Variants in FAM228A observed in about 807,000 individuals in gnomAD.
The protein encoded by FAM228A is protein FAM228A.
In FAM228A, 13 loss-of-function variants were observed where a neutral mutation model predicts 18.6. That is an observed-to-expected ratio of 0.70 (90% confidence interval 0.45 to 1.11). The LOEUF (loss-of-function observed/expected upper bound fraction) is 1.11, where lower values mean the gene tolerates loss of function less well. Among genes scored for constraint, FAM228A ranks in the 50% least tolerant of loss-of-function variants. The pLI is 0.00. For synonymous variants in FAM228A, 77 were observed against 86.6 expected (o/e 0.89, Z 0.61); for missense variants, 240 against 242.2 (o/e 0.99, Z 0.06).
At position 24,179,049 on chromosome 2, in the gene FAM228A, G is replaced by A. The variant is rs919160998; in HGVS notation, c.162+1179G>A. ...ACAAATTTTTTTTTCCCCCTTACTC[G>A]AATGATAGTAAATGAAACATTTCTT... On this transcript the variant is annotated intron_variant, in intron 3 of 5. Coordinates refer to ENST00000295150, the MANE Select transcript of FAM228A (RefSeq NM_001040710.3). The A allele has an allele frequency of 1.3e-4, 99 of 736,312 alleles. No individual in the cohort carries two copies. In the African/African-American group the frequency reaches 1.8e-3, roughly 13 times the overall value. 45.6% of individuals were successfully genotyped at this position (736,312 alleles called of 1,614,324 possible).
intron 5 of FAM228A, 126 bp from the exon 6 acceptor site, chr2:24,190,286 A>T (rs984039510): frequency 1.7e-6 from 2 of 1,164,080 alleles, no homozygotes; most frequent in Admixed American, 2.9e-5. Context: ...GCCACCAGTG[A>T]TGGCTGGTCA....
intron 5 of FAM228A, among the ~76,000 whole-genome samples, chr2:24,185,997 A>T (rs548054055): frequency 5.3e-5 from 8 of 152,198 alleles, no homozygotes; most frequent in African/African-American, 1.9e-4. Flanking sequence ...TTTCATCTAT[A>T]GAGTCTTTTG....
chr2:24,184,656 A>G (rs935694636), intron 5 of FAM228A, among the ~76,000 whole-genome samples: 3 of 152,138 alleles, frequency 2.0e-5, no homozygotes, highest in Non-Finnish European at 4.4e-5. Context: ...TTTCGTTTCC[A>G]CAATCCACAT....
chr2:24,188,406 C>T, intron 5 of FAM228A: 1 of 984,894 alleles, frequency 1.0e-6, no homozygotes, highest in African/African-American at 1.7e-5. Flanking sequence ...TCCCCCTCCC[C>T]ACCCCTCCTT....
At chr2:24,177,761 C>T in intron 2 of FAM228A, 41 bp from the exon 3 acceptor site, 1 of 1,175,410 alleles carries the variant, frequency 8.5e-7, no homozygotes, top group Non-Finnish European at 1.3e-6. Flanking sequence ...TAGTTTGTTT[C>T]TTCAGGATTC....
intron 5 of FAM228A, among the ~76,000 whole-genome samples, chr2:24,184,812 A>G (rs1366988631): frequency 6.6e-6 from 1 of 150,664 alleles, no homozygotes; most frequent in African/African-American, 2.4e-5. Context: ...TGTCTTTTCC[A>G]AAAGCTGTAT....
Position 24,190,609 on chromosome 2 carries a change from A to C in FAM228A, c.599A>C (p.Gln200Pro), listed in dbSNP as rs1208862075. 6 of 1,568,884 alleles carry C rather than the reference A, an allele frequency of 3.8e-6. No homozygotes were observed. Among genetic ancestry groups the C allele is most frequent in the Non-Finnish European group, 5.2e-6 (6 of 1,160,196 alleles). ...WHAGLCSTHE[Q>P]HILVPE ...GCAGGGCTTTGCAGCACCCACGAGC[A>C]GCACATACTGGTTCCAGAATGAGCC... is the stretch of plus-strand genomic sequence containing the variant. Residue 200 changes from glutamine (Q) to proline (P), a missense_variant, in exon 6 of 6, where the codon CAG (glutamine) becomes CCG (proline). Transcript: ENST00000295150.
At chr2:24,185,140 T>G (rs975528070) in intron 5 of FAM228A, among the ~76,000 whole-genome samples, 3 of 152,202 alleles carry the variant, frequency 2.0e-5, no homozygotes, top group African/African-American at 7.2e-5. Flanking sequence ...ATAGTTTTGC[T>G]TTTCAAATTT....
Position 24,191,591 on chromosome 2 carries a change from C to A in FAM228A, c.*960C>A. On this transcript the variant is annotated 3_prime_UTR_variant, in exon 6 of 6. Coordinates refer to ENST00000295150, the MANE Select transcript of FAM228A (RefSeq NM_001040710.3). ...TTGTGAAATGTTTGCCACAGTCAAG[C>A]TTGTTGACATACCCACCAGCTCACA... The A allele has an allele frequency of 1.4e-6, 1 of 718,916 alleles. No homozygotes were observed. Among genetic ancestry groups the A allele is most frequent in the Non-Finnish European group, 1.7e-6 (1 of 586,000 alleles). 44.5% of individuals were successfully genotyped at this position (718,916 alleles called of 1,614,324 possible).
rs527997573 is a variant in FAM228A at position 24,181,825 on chromosome 2, A to T, written c.163-1460A>T. On this transcript the variant is annotated intron_variant, in intron 3 of 5. Transcript: ENST00000295150. ...GTCTTGTAGTTATTGTCTATTTATTAAAAAAAAATCTACAAAAGCATTTCC... is the reference window on the plus strand; with the variant it reads ...GTCTTGTAGTTATTGTCTATTTATTTAAAAAAAATCTACAAAAGCATTTCC... 4.6e-5 allele frequency among the ~76,000 whole-genome samples: 7 copies of T among 151,870 alleles called. No homozygotes were observed. The East Asian group carries it at 9.7e-4, about 21-fold the overall frequency.
At chr2:24,187,028 G>A (rs891985241) in intron 5 of FAM228A, among the ~76,000 whole-genome samples, 1 of 152,058 alleles carries the variant, frequency 6.6e-6, no homozygotes, top group Admixed American at 6.6e-5. Context: ...ACATTCCTAT[G>A]TACCTATCAC....
chr2:24,179,016 TAGAG>T (rs1326574048), intron 3 of FAM228A: 1 of 357,002 alleles, frequency 2.8e-6, no homozygotes, highest in Non-Finnish European at 4.4e-6. Context: ...GAGAGCTTAG[TAGAG>T]AGAACAAATT....
At chr2:24,175,864 A>G (rs1371483542) in intron 2 of FAM228A, 6 of 1,166,898 alleles carry the variant, frequency 5.1e-6, no homozygotes, top group Middle Eastern at 3.6e-4. Context: ...TCAATTCTGC[A>G]TACTTCAGCG....
intron 3 of FAM228A, among the ~76,000 whole-genome samples, chr2:24,178,303 C>T (rs553136532): frequency 1.4e-4 from 22 of 152,098 alleles, no homozygotes; most frequent in Non-Finnish European, 2.5e-4. Flanking sequence ...ATGAGAGAGA[C>T]GGAGTTATAA....
intron 5 of FAM228A, 26 bp downstream of exon 5, chr2:24,183,671 A>C: frequency 6.4e-7 from 1 of 1,551,866 alleles, no homozygotes. Context: ...ACAAACAAAT[A>C]TTTGTTTAAC....
In FAM228A at chr2:24,190,834, C is replaced by T. The variant is rs1668067058; in HGVS notation, c.*203C>T. On this transcript the variant is annotated 3_prime_UTR_variant, in exon 6 of 6. Coordinates refer to ENST00000295150, the MANE Select transcript of FAM228A (RefSeq NM_001040710.3). The stretch of plus-strand genomic sequence containing the variant: ...AAATGTGGGACCTGGACCCCACTTT[C>T]CGGAGACATCCTGTCCTTCCGAGGT... 7.9e-7 allele frequency: 1 copy of T among 1,262,834 alleles called. No homozygotes were observed. Among genetic ancestry groups the T allele is most frequent in the African/African-American group, 1.5e-5 (1 of 65,598 alleles). 78.2% of individuals were successfully genotyped at this position (1,262,834 alleles called of 1,614,324 possible). A position where few individuals can be genotyped will look rare whatever the true frequency, so the allele number is the denominator to read the frequency against.
At chr2:24,179,266 T>C in intron 3 of FAM228A, 1 of 682,128 alleles carries the variant, frequency 1.5e-6, no homozygotes. Context: ...AACGAGAATG[T>C]TGAATATTAT....
At chr2:24,189,104 C>T (rs1179621881) in intron 5 of FAM228A, among the ~76,000 whole-genome samples, 2 of 152,162 alleles carry the variant, frequency 1.3e-5, no homozygotes, top group East Asian at 1.9e-4. Context: ...CGTCATCTCC[C>T]CTCTGGCTCC....
At chr2:24,176,941 A>G (rs988479227) in intron 2 of FAM228A, among the ~76,000 whole-genome samples, 4 of 152,356 alleles carry the variant, frequency 2.6e-5, no homozygotes, top group Admixed American at 6.5e-5. Context: ...AAAAAGCCCT[A>G]AAGTGGGGAT....
Sources: gnomAD v4.1 joint callset for allele counts (sites outside exome capture counted in the v4.1 genomes callset) on GRCh38, gnomAD v4.1.1 for gene constraint, MANE v1.5 for transcripts, NCBI Gene and HGNC (gene_info 2026-07-23, HGNC 2026-07-21) for gene names.